SPTBN2: variants seen among roughly 807,000 people sequenced by gnomAD.
SPTBN2 encodes the protein spectrin beta, non-erythrocytic 2.
In SPTBN2, 107 loss-of-function variants were observed where a neutral mutation model predicts 284.2. The observed-to-expected ratio is 0.38, with a 90% CI of 0.32 to 0.44. The LOEUF (loss-of-function observed/expected upper bound fraction) is 0.44, where lower values mean the gene tolerates loss of function less well. Ranked by LOEUF, SPTBN2 falls within the 20% of genes least tolerant of loss-of-function variation. The pLI, the probability that SPTBN2 is intolerant of heterozygous loss-of-function variation, is 1.00. For missense variants in SPTBN2, 2,569 were observed against 3,287.1 expected (o/e 0.78, Z 5.34); for synonymous variants, 1,289 against 1,354.8 (o/e 0.95, Z 1.07).
chr11:66,706,189 C>T (rs1941547305), intron 13 of SPTBN2, among the ~76,000 whole-genome samples: 1 of 152,244 alleles, frequency 6.6e-6, no homozygotes, highest in Non-Finnish European at 1.5e-5. Flanking sequence ...CCGCTGCCCG[C>T]CTGGAAGATG....
At chr11:66,709,312 G>T (rs1941732118) in intron 10 of SPTBN2, among the ~76,000 whole-genome samples, 2 of 152,008 alleles carry the variant, frequency 1.3e-5, no homozygotes, top group Non-Finnish European at 2.9e-5. Flanking sequence ...CGAGTAGCTG[G>T]GATTACAGGC....
intron 1 of SPTBN2, among the ~76,000 whole-genome samples, chr11:66,727,659 CCA>C (rs935668959): frequency 1.3e-5 from 2 of 152,154 alleles, no homozygotes; most frequent in African/African-American, 4.8e-5. Context: ...TGCCCCTCTC[CCA>C]CACACTGTGG....
intron 1 of SPTBN2, among the ~76,000 whole-genome samples, chr11:66,736,635 G>A (rs1942852450): frequency 6.6e-6 from 1 of 152,184 alleles, no homozygotes; most frequent in African/African-American, 2.4e-5. Flanking sequence ...AAAAGTGTCT[G>A]ATTACACTCA....
Position 66,705,461 on chromosome 11 carries a change from T to C in SPTBN2, c.1815A>G (p.Arg605=). 6.2e-7 allele frequency: 1 copy of C among 1,612,974 alleles called. No homozygotes were observed. Among genetic ancestry groups the C allele is most frequent in the South Asian group, 1.1e-5 (1 of 91,082 alleles). The change falls in exon 15 of 38, where the codon AGA becomes AGG. Residue 605 remains arginine, a synonymous_variant. Coordinates refer to ENST00000533211, the MANE Select transcript of SPTBN2 (RefSeq NM_006946.4). ...CCGACACCAGCTGCGGGTCGCAAGG[T>C]CTATACTCTGAGAAAGTCACAGGAG... ...LRFCNPGKEY[R]PCDPQLVSER... is the part of the protein sequence containing the mutation.
chr11:66,703,529 G>T (rs1453313410), intron 15 of SPTBN2, among the ~76,000 whole-genome samples: 1 of 152,052 alleles, frequency 6.6e-6, no homozygotes, highest in Non-Finnish European at 1.5e-5. Context: ...TCAGGAGATC[G>T]AGACCATCCT....
chr11:66,714,045 A>G, intron 7 of SPTBN2, 46 bp downstream of exon 7: 1 of 1,599,770 alleles, frequency 6.3e-7, no homozygotes, highest in East Asian at 2.2e-5. Context: ...CCAGGTCATT[A>G]GCCGACCCAG....
chr11:66,707,996 C>T lies in SPTBN2; in HGVS notation c.1350+145G>A, dbSNP rs879095563. On this transcript the variant is annotated intron_variant, in intron 12 of 37. Coordinates refer to ENST00000533211, the MANE Select transcript of SPTBN2 (RefSeq NM_006946.4). This position sits in a 1 kb window ranked among gnomAD's most constrained non-coding sequence, Gnocchi z 4.9. The stretch of plus-strand genomic sequence containing the variant: ...CCCTCTCTCCTGTCCCACCCTCTGG[C>T]CCCTGGCTCCCGGACCTCTAGGCCT... 2 of 1,440,258 alleles carry T rather than the reference C, an allele frequency of 1.4e-6. No individual in the cohort carries two copies. The highest frequency in any genetic ancestry group is 1.2e-5 in the South Asian group (1 of 81,612). 89.2% of individuals were successfully genotyped at this position (1,440,258 alleles called of 1,614,324 possible).
chr11:66,688,371 A>G (rs781088498), intron 31 of SPTBN2, 60 bp from the exon 32 acceptor site: 219 of 1,547,572 alleles, frequency 1.4e-4, no homozygotes, highest in Middle Eastern at 1.9e-4. Flanking sequence ...CCAGGGAAAC[A>G]GGGAGAGCTG....
At position 66,689,815 on chromosome 11, in the gene SPTBN2, G is replaced by A. The variant is rs750934185; in HGVS notation, c.5939C>T (p.Ala1980Val). 7.4e-6 allele frequency: 12 copies of A among 1,613,468 alleles called. No individual in the cohort carries two copies. The highest frequency in any genetic ancestry group is 2.7e-5 in the African/African-American group (2 of 74,874). Residue 1980 changes from alanine (A) to valine (V), a missense_variant, in exon 29 of 38, where the codon GCG becomes GTG. Physicochemically the swap from Ala to Val is moderately conservative, Grantham distance 64. Coordinates refer to ENST00000533211, the MANE Select transcript of SPTBN2 (RefSeq NM_006946.4). ...CCAGGCCTCACCCACCTCCTCGGCC[G>A]CATAGTGGCTCCTGGCCAGCAGCTC... ...GKELLARSHY[A>V]AEEISEKLSQ...
In SPTBN2 at chr11:66,684,960, G is replaced by A. The variant is rs184671791; in HGVS notation, c.*911C>T. 1.3e-5 allele frequency among the ~76,000 whole-genome samples: 2 copies of A among 152,248 alleles called. No homozygotes were observed. Among genetic ancestry groups the A allele is most frequent in the Non-Finnish European group, 2.9e-5 (2 of 68,006 alleles). On this transcript the variant is annotated 3_prime_UTR_variant, in exon 38 of 38. Coordinates refer to ENST00000533211, the MANE Select transcript of SPTBN2 (RefSeq NM_006946.4). ...ACAAGTGAAGAAAATTGTGCACCAG[G>A]GAAGGAGTCCCTCATTGCTTTTTAA...
chr11:66,698,813 T>G, intron 19 of SPTBN2, 28 bp from the exon 20 acceptor site: 1 of 1,612,220 alleles, frequency 6.2e-7, no homozygotes, highest in Non-Finnish European at 8.5e-7. Flanking sequence ...CAGGGACATT[T>G]CCAAGGGAGG....
intron 30 of SPTBN2, 89 bp downstream of exon 30, chr11:66,689,007 A>C (rs1375449682): frequency 1.6e-5 from 23 of 1,483,044 alleles, no homozygotes; most frequent in Non-Finnish European, 2.1e-5. Context: ...TTTCACACCC[A>C]GGGTTCCTAG....
In SPTBN2 at chr11:66,683,063, A is replaced by T. The variant is rs1181934367; in HGVS notation, c.*2808T>A. Among the ~76,000 whole-genome samples the T allele has an allele frequency of 6.4e-4, 61 of 95,734 alleles. No homozygotes were observed. Among genetic ancestry groups the T allele is most frequent in the Admixed American group, 1.9e-3 (13 of 6,812 alleles). The allele number at this position is 95,734 out of a possible 152,430, so 62.8% of individuals were successfully genotyped here. ...ACCACCATGCCTGGCCAAGTAATCC[A>T]TTTTTTTTTTTTTTTTTTTTTTGAG... On this transcript the variant is annotated 3_prime_UTR_variant, in exon 38 of 38. Coordinates refer to ENST00000533211, the MANE Select transcript of SPTBN2 (RefSeq NM_006946.4).
At chr11:66,740,508 C>T (rs951907640) in intron 1 of SPTBN2, among the ~76,000 whole-genome samples, 2 of 152,124 alleles carry the variant, frequency 1.3e-5, no homozygotes, top group African/African-American at 4.8e-5. Context: ...TGAAGCTGCC[C>T]CAGATTCTGT....
At position 66,684,224 on chromosome 11, in the gene SPTBN2, A is replaced by C. The variant is rs1939964774; in HGVS notation, c.*1647T>G. ...CACGCTTTTCCTGTTGGAGGCCACC[A>C]AGGAGTGCCCACTTCCATCAACATC... On this transcript the variant is annotated 3_prime_UTR_variant, in exon 38 of 38. Coordinates refer to ENST00000533211, the MANE Select transcript of SPTBN2 (RefSeq NM_006946.4). Among the ~76,000 whole-genome samples the C allele has an allele frequency of 6.6e-6, 1 of 152,348 alleles. No homozygotes were observed. The highest frequency in any genetic ancestry group is 2.4e-5 in the African/African-American group (1 of 41,592).
intron 15 of SPTBN2, among the ~76,000 whole-genome samples, chr11:66,703,055 TA>T (rs1242593338): frequency 6.6e-6 from 1 of 151,056 alleles, no homozygotes; most frequent in African/African-American, 2.4e-5. Flanking sequence ...CCTTGAAAAC[TA>T]AAAAAAATCT....
intron 1 of SPTBN2, chr11:66,728,142 G>C (rs1202437687): frequency 6.8e-6 from 1 of 147,002 alleles, no homozygotes; most frequent in African/African-American, 2.5e-5. Flanking sequence ...GACAAAGCGG[G>C]CGGGGCGCCG....
chr11:66,694,318 T>C lies in SPTBN2; in HGVS notation c.4324A>G (p.Ile1442Val), dbSNP rs758431914. ...MAVREKEVEAIQAQAKALAQE... is the reference protein window; with the variant it reads ...MAVREKEVEAVQAQAKALAQE... ...GCCAGTGCTTTGGCCTGGGCCTGGATTGCCTCCACCTCCTTCTCTCTCACA... is the reference window on the plus strand; with the variant it reads ...GCCAGTGCTTTGGCCTGGGCCTGGACTGCCTCCACCTCCTTCTCTCTCACA... The change falls in exon 22 of 38, where the codon ATC becomes GTC. Residue 1442 changes from isoleucine to valine, a missense_variant. Transcript: ENST00000533211. The C allele has an allele frequency of 2.5e-6, 4 of 1,614,158 alleles. No individual in the cohort carries two copies. Among genetic ancestry groups the C allele is most frequent in the South Asian group, 2.2e-5 (2 of 91,078 alleles).
At chr11:66,739,663 A>G (rs1049484431) in intron 1 of SPTBN2, among the ~76,000 whole-genome samples, 1 of 152,236 alleles carries the variant, frequency 6.6e-6, no homozygotes, top group Admixed American at 6.5e-5. Context: ...TTTCTAAGTC[A>G]CAAAGAATAC....
Sources: gnomAD v4.1 joint callset for allele counts (sites outside exome capture counted in the v4.1 genomes callset) on GRCh38, gnomAD v4.1.1 for gene constraint, Gnocchi (gnomAD v3.1) non-coding constraint, MANE v1.5 for transcripts, NCBI Gene and HGNC (gene_info 2026-07-23, HGNC 2026-07-21) for gene names.